Variants in TNFSF18 observed in about 807,000 individuals in gnomAD.
TNFSF18 encodes the protein tumor necrosis factor ligand superfamily member 18.
Under a neutral mutation model 9.6 loss-of-function variants are expected in TNFSF18, and 6 were observed. That is an observed-to-expected ratio of 0.63 (90% CI 0.34 to 1.24). The LOEUF is 1.24. TNFSF18 is among the 50% of genes most tolerant of loss of function. The probability of loss-of-function intolerance (pLI) is 0.03; values close to 1 mark genes in which losing one functional copy is unlikely to be tolerated. For missense variants in TNFSF18, 210 were observed against 201.0 expected, an observed-to-expected ratio of 1.04 and a Z score of -0.27; for synonymous variants, 68 against 71.7, an observed-to-expected ratio of 0.95 and a Z score of 0.26.
chr1:173,048,548 G>A (rs1665119069), intron 1 of TNFSF18, among the ~76,000 whole-genome samples: 2 of 152,076 alleles, frequency 1.3e-5, no homozygotes, highest in South Asian at 4.1e-4. Context: ...TTTTCACTGA[G>A]GGATTGACCA....
rs73034122 is a variant in TNFSF18 at position 173,042,963 on chromosome 1, C to T, written c.187+976G>A. On this transcript the variant is annotated intron_variant, in intron 2 of 2. Coordinates refer to ENST00000404377, the MANE Select transcript of TNFSF18 (RefSeq NM_005092.4). Reference sequence around the variant, plus strand: ...CCCAGTATCGCCAATGAGCTCGGAGCCCAGTAAATTTCTTCTTCCTTGACA... The same window carrying T: ...CCCAGTATCGCCAATGAGCTCGGAGTCCAGTAAATTTCTTCTTCCTTGACA... Among the ~76,000 whole-genome samples, 1,133 of 152,170 alleles carry T rather than the reference C, an allele frequency of 7.4e-3. 16 individuals carry two copies. Among genetic ancestry groups the T allele is most frequent in the African/African-American group, 0.025 (1,053 of 41,516 alleles).
rs1005919660 is a variant in TNFSF18, at chr1:173,040,203, G to A, written c.*1164C>T. On this transcript the variant is annotated 3_prime_UTR_variant, in exon 3 of 3. Coordinates refer to ENST00000404377, the MANE Select transcript of TNFSF18 (RefSeq NM_005092.4). The stretch of plus-strand genomic sequence containing the variant: ...GGGATAAGGCCTGAACAGCATCCTG[G>A]ATCTCCCTGATTCAGGCAGGAAAAA... The A allele has an allele frequency of 1.3e-5, 2 of 151,448 alleles. No individual in the cohort carries two copies. Among genetic ancestry groups the A allele is most frequent in the African/African-American group, 2.4e-5 (1 of 41,080 alleles). The allele number at this position is 151,448 out of a possible 1,614,324, so 9.4% of individuals were successfully genotyped here.
At chr1:173,046,813 G>A (rs1571473266) in intron 1 of TNFSF18, among the ~76,000 whole-genome samples, 1 of 151,256 alleles carries the variant, frequency 6.6e-6, no homozygotes, top group South Asian at 2.1e-4. Flanking sequence ...AAAGGGAGGT[G>A]CAATTAAAAA....
At position 173,041,122 on chromosome 1, in the gene TNFSF18, G is replaced by C; in HGVS notation, c.*245C>G. On this transcript the variant is annotated 3_prime_UTR_variant, in exon 3 of 3. Transcript: ENST00000404377. ...ATTCTTTGAAAAGCACATGTCCTCT[G>C]TCATCCATATTTGTTTTATCATGGA... 1 of 378,176 alleles carries C rather than the reference G, an allele frequency of 2.6e-6. No homozygotes were observed. Among genetic ancestry groups the C allele is most frequent in the Non-Finnish European group, 4.7e-6 (1 of 212,278 alleles). The allele number at this position is 378,176 out of a possible 1,614,324, so 23.4% of individuals were successfully genotyped here. A position where few individuals can be genotyped will look rare whatever the true frequency, so the allele number is the denominator to read the frequency against.
intron 1 of TNFSF18, among the ~76,000 whole-genome samples, chr1:173,046,901 G>A (rs61595490): frequency 0.29 from 43,039 of 150,832 alleles, 7,221 homozygotes; most frequent in East Asian, 0.78. Context: ...TGTTGTTGTT[G>A]TTGTTTTTTG....
intron 1 of TNFSF18, among the ~76,000 whole-genome samples, chr1:173,048,379 C>T (rs906348806): frequency 6.6e-6 from 1 of 152,196 alleles, no homozygotes; most frequent in Non-Finnish European, 1.5e-5. Flanking sequence ...AACAATCATT[C>T]TCTCTCCAAA....
intron 1 of TNFSF18, among the ~76,000 whole-genome samples, chr1:173,045,665 G>A (rs1034445494): frequency 6.6e-5 from 10 of 151,020 alleles, no homozygotes; most frequent in Non-Finnish European, 1.2e-4. Context: ...TTGTTGTTAC[G>A]TTTTAATGTG....
At chr1:173,049,048 T>C (rs892547037) in intron 1 of TNFSF18, among the ~76,000 whole-genome samples, 1 of 152,168 alleles carries the variant, frequency 6.6e-6, no homozygotes, top group Non-Finnish European at 1.5e-5. Context: ...AAACTCTGGG[T>C]TATCTTTAGA....
At chr1:173,047,287 C>T (rs1292768290) in intron 1 of TNFSF18, among the ~76,000 whole-genome samples, 1 of 152,168 alleles carries the variant, frequency 6.6e-6, no homozygotes, top group Non-Finnish European at 1.5e-5. Flanking sequence ...GTGACAAAGA[C>T]TCCCTTAACC....
intron 2 of TNFSF18, among the ~76,000 whole-genome samples, 187 bp downstream of exon 2, chr1:173,043,752 C>T (rs778413752): frequency 1.3e-5 from 2 of 152,194 alleles, no homozygotes; most frequent in Admixed American, 1.3e-4. Flanking sequence ...AGGGCATGGG[C>T]TTCTTTTGCC....
At chr1:173,041,819 T>C (rs1665000011) in intron 2 of TNFSF18, 106 bp from the exon 3 acceptor site, 1 of 949,786 alleles carries the variant, frequency 1.1e-6, no homozygotes, top group South Asian at 2.2e-5. Context: ...GTTGTTTCTT[T>C]ACCTGATCTA....
chr1:173,045,020 G>C (rs1256256188), intron 1 of TNFSF18, among the ~76,000 whole-genome samples: 1 of 152,206 alleles, frequency 6.6e-6, no homozygotes, highest in Non-Finnish European at 1.5e-5. Context: ...AAATGGATAA[G>C]ATGTAAGAGG....
In TNFSF18 at chr1:173,039,307, A is replaced by G. The variant is rs1664949865; in HGVS notation, c.*2060T>C. ...CAAAAGCTAAAATTATAACATCAGG[A>G]AAATGTAAAGGTCACCTGTTGGTAG... On this transcript the variant is annotated 3_prime_UTR_variant, in exon 3 of 3. Transcript: ENST00000404377. Among the ~76,000 whole-genome samples, 1 of 152,186 alleles carries G rather than the reference A, an allele frequency of 6.6e-6. No homozygotes were observed. Among genetic ancestry groups the G allele is most frequent in the South Asian group, 2.1e-4 (1 of 4,830 alleles).
At chr1:173,047,331 T>C (rs1027965826) in intron 1 of TNFSF18, among the ~76,000 whole-genome samples, 4 of 152,204 alleles carry the variant, frequency 2.6e-5, no homozygotes, top group Non-Finnish European at 4.4e-5. Flanking sequence ...GGAGAAATAA[T>C]AGCACCTAGC....
intron 1 of TNFSF18, among the ~76,000 whole-genome samples, chr1:173,048,352 C>T (rs1317299945): frequency 6.6e-6 from 1 of 152,166 alleles, no homozygotes; most frequent in Non-Finnish European, 1.5e-5. Context: ...TTACGTAGTT[C>T]GGCTCAAAAT....
Position 173,043,989 on chromosome 1 carries a change from T to A in TNFSF18, c.157-20A>T. 6.2e-7 allele frequency: 1 copy of A among 1,609,666 alleles called. No homozygotes were observed. The highest frequency in any genetic ancestry group is 8.5e-7 in the Non-Finnish European group (1 of 1,176,084). ...AGCAGTCTGTTGGGGAAATAAAAGA[T>A]GAATTGATTAGGATGATGACAGTGT... is the stretch of plus-strand genomic sequence containing the variant. On this transcript the variant is annotated intron_variant, in intron 1 of 2. Transcript: ENST00000404377.
At chr1:173,044,570 A>T (rs1005274252) in intron 1 of TNFSF18, among the ~76,000 whole-genome samples, 1 of 152,208 alleles carries the variant, frequency 6.6e-6, no homozygotes, top group African/African-American at 2.4e-5. Flanking sequence ...GTGTGTGGTT[A>T]ATTTTACAAA....
chr1:173,048,474 C>A (rs1474927664), intron 1 of TNFSF18, among the ~76,000 whole-genome samples: 1 of 152,150 alleles, frequency 6.6e-6, no homozygotes, highest in Non-Finnish European at 1.5e-5. Flanking sequence ...AAGTATCCTT[C>A]ATTTTGCTGA....
intron 1 of TNFSF18, among the ~76,000 whole-genome samples, chr1:173,044,482 C>G (rs570202570): frequency 5.3e-5 from 8 of 152,266 alleles, no homozygotes; most frequent in African/African-American, 1.9e-4. Context: ...TATACAGTAT[C>G]TGAGATACCC....
Sources: gnomAD v4.1 joint callset for allele counts (sites outside exome capture counted in the v4.1 genomes callset) on GRCh38, gnomAD v4.1.1 for gene constraint, MANE v1.5 for transcripts, NCBI Gene and HGNC (gene_info 2026-07-23, HGNC 2026-07-21) for gene names.